The following H6PD variants were observed in gnomAD, a reference collection of about 807,000 sequenced individuals.
The protein encoded by H6PD is GDH/6PGL endoplasmic bifunctional protein.
H6PD carries 48 observed loss-of-function variants against 61.2 expected under a neutral mutation model. The observed-to-expected ratio is 0.78, with a 90% CI of 0.62 to 1.00. The LOEUF is 1.00. H6PD is among the 50% of genes least tolerant of loss of function. The probability of loss-of-function intolerance (pLI) is 0.00; values close to 1 mark genes in which losing one functional copy is unlikely to be tolerated. For synonymous variants in H6PD, 480 were observed against 457.9 expected (o/e 1.05, Z -0.62); for missense variants, 1,093 against 1,065.0 (o/e 1.03, Z -0.37).
rs1221108755 is a variant in H6PD, at chr1:9,263,754, C to T, written c.1261C>T (p.Pro421Ser). ...GCTGGTCAGCAGGAACCTGTTCAGG[C>T]CCTCCCTGCCCTCCAGCTGGAAGGA... The part of the protein sequence containing the change: ...AVLVSRNLFR[P>S]SLPSSWKEME... Residue 421 changes from proline to serine, a missense_variant, in exon 5 of 5, where the codon CCC becomes TCC. Pro to Ser is a moderately conservative substitution (Grantham distance 74, BLOSUM62 -1). Coordinates refer to ENST00000377403, the MANE Select transcript of H6PD (RefSeq NM_004285.4). 2 of 1,613,990 alleles carry T rather than the reference C, an allele frequency of 1.2e-6. No individual in the cohort carries two copies. Among genetic ancestry groups the T allele is most frequent in the Admixed American group, 1.7e-5 (1 of 60,034 alleles).
chr1:9,260,961 TG>T (rs1442503186), intron 3 of H6PD, among the ~76,000 whole-genome samples: 1 of 152,000 alleles, frequency 6.6e-6, no homozygotes, highest in Non-Finnish European at 1.5e-5. Flanking sequence ...GGGCTCATGT[TG>T]GGGGCCTCCA....
At chr1:9,244,620 C>T (rs1188387075) in intron 1 of H6PD, among the ~76,000 whole-genome samples, 3 of 152,326 alleles carry the variant, frequency 2.0e-5, no homozygotes, top group South Asian at 2.1e-4. Context: ...CCCAGGCCTG[C>T]GGCCCTCCCT....
chr1:9,236,884 G>A (rs1446468660), intron 1 of H6PD, among the ~76,000 whole-genome samples: 1 of 152,120 alleles, frequency 6.6e-6, no homozygotes, highest in East Asian at 1.9e-4. Flanking sequence ...CCAAAAACTA[G>A]CCCTTGAAGG....
intron 3 of H6PD, among the ~76,000 whole-genome samples, chr1:9,256,238 A>G (rs145491063): frequency 6.6e-6 from 1 of 152,368 alleles, no homozygotes; most frequent in Non-Finnish European, 1.5e-5. Flanking sequence ...CCACAACACT[A>G]CAGAGCTGGG....
At chr1:9,260,357 G>A (rs1340981723) in intron 3 of H6PD, among the ~76,000 whole-genome samples, 5 of 151,970 alleles carry the variant, frequency 3.3e-5, no homozygotes, top group Non-Finnish European at 7.4e-5. Context: ...TTGTTACACT[G>A]GTGTTGCATT....
chr1:9,263,817 C>T lies in H6PD; in HGVS notation c.1324C>T (p.Pro442Ser). The change falls in exon 5 of 5, where the codon CCT (proline) becomes TCT (serine). Residue 442 changes from proline to serine, a missense_variant. Coordinates refer to ENST00000377403, the MANE Select transcript of H6PD (RefSeq NM_004285.4). Reference protein sequence around the residue: ...GPPGLRLFGSPLSDYYAYSPV... With the variant: ...GPPGLRLFGSSLSDYYAYSPV... ...ACCTGGGCTCCGCCTTTTCGGCAGC[C>T]CTCTGTCCGATTACTACGCCTACAG... is the stretch of plus-strand genomic sequence containing the variant. 1.2e-6 allele frequency: 2 copies of T among 1,613,918 alleles called. No homozygotes were observed. The highest frequency in any genetic ancestry group is 1.7e-6 in the Non-Finnish European group (2 of 1,180,010).
chr1:9,262,848 CCT>C (rs1174450138), intron 4 of H6PD, among the ~76,000 whole-genome samples: 7 of 152,198 alleles, frequency 4.6e-5, no homozygotes, highest in Non-Finnish European at 1.5e-5. Context: ...TTTATAGATG[CCT>C]CTCATACAAG....
chr1:9,246,951 T>C lies in H6PD; in HGVS notation c.628-15T>C, dbSNP rs1363807796. The C allele has an allele frequency of 1.3e-6, 2 of 1,576,642 alleles. No homozygotes were observed. The highest frequency in any genetic ancestry group is 2.2e-5 in the East Asian group (1 of 44,614). On this transcript the variant is annotated splice_polypyrimidine_tract_variant and intron_variant, in intron 2 of 4. Coordinates refer to ENST00000377403, the MANE Select transcript of H6PD (RefSeq NM_004285.4). Reference sequence around the variant, plus strand: ...AGAGTATCCTGCAGCACGCCCAGTCTTCCCCCCCCGACAGGCTGTGGCGCA... The same window carrying C: ...AGAGTATCCTGCAGCACGCCCAGTCCTCCCCCCCCGACAGGCTGTGGCGCA...
At chr1:9,237,848 C>A (rs1640894481) in intron 1 of H6PD, among the ~76,000 whole-genome samples, 1 of 152,124 alleles carries the variant, frequency 6.6e-6, no homozygotes, top group Non-Finnish European at 1.5e-5. Flanking sequence ...TTTATTTGTT[C>A]ATTTAGCAGA....
At chr1:9,261,914 G>C (rs1638312174) in intron 3 of H6PD, 145 bp from the exon 4 acceptor site, 2 of 815,932 alleles carry the variant, frequency 2.5e-6, no homozygotes, top group Admixed American at 4.0e-5. Context: ...GTTGGCTTTG[G>C]TGTGCACCAT....
chr1:9,259,486 ATTG>A (rs1256484021), intron 3 of H6PD, among the ~76,000 whole-genome samples: 3 of 150,886 alleles, frequency 2.0e-5, no homozygotes, highest in Middle Eastern at 6.9e-3. Context: ...GTGTTGTTAT[ATTG>A]TTGTTACGCC....
chr1:9,261,965 G>T, intron 3 of H6PD, 94 bp from the exon 4 acceptor site: 1 of 1,258,668 alleles, frequency 7.9e-7, no homozygotes, highest in Admixed American at 1.8e-5. Context: ...GATGCAGGAT[G>T]AATGTGCGGG....
intron 3 of H6PD, among the ~76,000 whole-genome samples, chr1:9,253,277 G>A (rs959381548): frequency 5.9e-5 from 9 of 152,210 alleles, no homozygotes; most frequent in African/African-American, 1.9e-4. Context: ...TACCCAGCAG[G>A]TAGTAAACCC....
chr1:9,256,395 G>A (rs921346890), intron 3 of H6PD, among the ~76,000 whole-genome samples: 7 of 152,222 alleles, frequency 4.6e-5, no homozygotes, highest in African/African-American at 1.7e-4. Flanking sequence ...CGGGGACAGA[G>A]TGCCTTCCTA....
intron 3 of H6PD, among the ~76,000 whole-genome samples, chr1:9,248,029 A>G (rs1252214075): frequency 6.6e-6 from 1 of 152,226 alleles, no homozygotes; most frequent in Non-Finnish European, 1.5e-5. Flanking sequence ...CCACAGTAGA[A>G]GGCGGTGGAG....
Position 9,263,711 on chromosome 1 carries a change from C to A in H6PD, c.1218C>A (p.Asp406Glu). 6.2e-7 allele frequency: 1 copy of A among 1,614,002 alleles called. No individual in the cohort carries two copies. The highest frequency in any genetic ancestry group is 1.1e-5 in the South Asian group (1 of 91,078). The change falls in exon 5 of 5, where the codon GAC becomes GAA. Residue 406 changes from aspartate to glutamate, a missense_variant. Transcript: ENST00000377403. ...TCGTCTTCCACATCGGCCATGGCGA[C>A]CTGGGCAGCCCTGCCGTGCTGGTCA... ...RQLVFHIGHG[D>E]LGSPAVLVSR...
chr1:9,262,425 G>C, intron 4 of H6PD, 97 bp downstream of exon 4: 2 of 1,161,276 alleles, frequency 1.7e-6, no homozygotes, highest in Non-Finnish European at 1.2e-6. Context: ...GAGGGGACTT[G>C]AGGTGGGATT....
Position 9,262,051 on chromosome 1 carries a change from T to C in H6PD, c.746-8T>C. 1 of 1,614,118 alleles carries C rather than the reference T, an allele frequency of 6.2e-7. No homozygotes were observed. Among genetic ancestry groups the C allele is most frequent in the Non-Finnish European group, 8.5e-7 (1 of 1,179,968 alleles). On this transcript the variant is annotated splice_region_variant and splice_polypyrimidine_tract_variant and intron_variant, in intron 3 of 4. Coordinates refer to ENST00000377403, the MANE Select transcript of H6PD (RefSeq NM_004285.4). Reference sequence around the variant, plus strand: ...GATCCTCCCCACTTCTCCACCTCCCTCCACCAGGCCGCACCAGCTTCTATG... The same window carrying C: ...GATCCTCCCCACTTCTCCACCTCCCCCCACCAGGCCGCACCAGCTTCTATG...
intron 3 of H6PD, among the ~76,000 whole-genome samples, chr1:9,259,856 C>A (rs1045802601): frequency 6.7e-6 from 1 of 148,232 alleles, no homozygotes; most frequent in Non-Finnish European, 1.5e-5. Context: ...TGTTGTTATG[C>A]TGGTGTTACG....
Sources: allele counts gnomAD v4.1 joint callset (sites outside exome capture counted in the v4.1 genomes callset), GRCh38; gene constraint gnomAD v4.1.1; transcripts MANE v1.5; gene names NCBI Gene and HGNC (gene_info 2026-07-23, HGNC 2026-07-21).